Variants in TBXAS1 observed in about 807,000 individuals in gnomAD.
TBXAS1 encodes the protein thromboxane A synthase 1.
A neutral mutation model predicts 60.7 loss-of-function variants in TBXAS1; 48 were observed. The observed-to-expected ratio is 0.79, with a 90% CI of 0.63 to 1.01. TBXAS1 has a LOEUF of 1.01. TBXAS1 is among the 50% of genes least tolerant of loss of function. The probability of loss-of-function intolerance (pLI) is 0.00; values close to 1 mark genes in which losing one functional copy is unlikely to be tolerated. For synonymous variants in TBXAS1, 287 were observed against 269.7 expected, an observed-to-expected ratio of 1.06 and a Z score of -0.63; for missense variants, 685 against 686.3, an observed-to-expected ratio of 1.00 and a Z score of 0.02.
chr7:139,951,520 G>T (rs538305316), intron 5 of TBXAS1, among the ~76,000 whole-genome samples: 1 of 148,816 alleles, frequency 6.7e-6, no homozygotes, highest in South Asian at 2.2e-4. Flanking sequence ...CACTTTGGGA[G>T]GCCAAAGTGG....
intron 6 of TBXAS1, 23 bp downstream of exon 6, chr7:139,953,479 G>T: frequency 1.2e-6 from 2 of 1,608,856 alleles, no homozygotes; most frequent in South Asian, 2.2e-5. Context: ...CATTACAGAT[G>T]AGAAATCGAG....
At chr7:139,865,765 G>A (rs1431048721) in intron 1 of TBXAS1, among the ~76,000 whole-genome samples, 1 of 126,348 alleles carries the variant, frequency 7.9e-6, no homozygotes, top group African/African-American at 3.1e-5. Flanking sequence ...GGAAGGGAGG[G>A]AGGGAAGGAA....
chr7:139,861,547 G>A (rs1800968305), intron 1 of TBXAS1, among the ~76,000 whole-genome samples: 2 of 151,600 alleles, frequency 1.3e-5, no homozygotes, highest in Admixed American at 6.6e-5. Context: ...GAGCCACTGT[G>A]CCTGGCCTGT....
intron 3 of TBXAS1, among the ~76,000 whole-genome samples, chr7:139,910,271 C>T (rs1283979569): frequency 6.6e-6 from 1 of 152,194 alleles, no homozygotes; most frequent in Non-Finnish European, 1.5e-5. Flanking sequence ...CGCACTATCT[C>T]CAGTTAGAGT....
intron 2 of TBXAS1, among the ~76,000 whole-genome samples, chr7:139,781,604 G>T (rs974558537): frequency 1.3e-5 from 2 of 151,982 alleles, no homozygotes; most frequent in Admixed American, 6.5e-5. Flanking sequence ...GGCTGAGGCA[G>T]GCAGATCACC....
intron 9 of TBXAS1, among the ~76,000 whole-genome samples, chr7:139,964,207 T>C (rs1375137705): frequency 6.6e-6 from 1 of 152,202 alleles, no homozygotes; most frequent in Non-Finnish European, 1.5e-5. Flanking sequence ...TGCCTCAGCC[T>C]CCCGAGTTGC....
Position 139,975,127 on chromosome 7 carries a change from A to C in TBXAS1, c.1134+12894A>C, listed in dbSNP as rs2117468531. Among the ~76,000 whole-genome samples, 1 of 152,296 alleles carries C rather than the reference A, an allele frequency of 6.6e-6. No homozygotes were observed. The highest frequency in any genetic ancestry group is 1.9e-4 in the East Asian group (1 of 5,180). On this transcript the variant is annotated intron_variant, in intron 9 of 12. Transcript: ENST00000448866. The surrounding 1 kb of genome is among the most constrained non-coding windows in gnomAD (Gnocchi z 4.4). ...CCAGAAAACCTCAGTTTTTGCTCTT[A>C]CGGCCTTCAACCGATTGGATGAGGC... is the stretch of plus-strand genomic sequence containing the variant.
intron 3 of TBXAS1, among the ~76,000 whole-genome samples, chr7:139,904,996 T>C (rs575463261): frequency 3.1e-5 from 3 of 97,014 alleles, no homozygotes; most frequent in Middle Eastern, 5.2e-3. Flanking sequence ...TCTCTCTTTC[T>C]CTCTTTCTCT....
Position 139,898,586 on chromosome 7 carries a change from C to T in TBXAS1, c.237-12639C>T, listed in dbSNP as rs114523046. On this transcript the variant is annotated intron_variant, in intron 3 of 12. Transcript: ENST00000448866. Reference sequence around the variant, plus strand: ...AGGTGATCCGCAAGTGCTGGGATTACAGGCGTGAGCCACTACGCCCGGCCT... The same window carrying T: ...AGGTGATCCGCAAGTGCTGGGATTATAGGCGTGAGCCACTACGCCCGGCCT... Among the ~76,000 whole-genome samples the T allele has an allele frequency of 6.9e-3, 1,052 of 152,186 alleles. 13 individuals are homozygous for T. Among genetic ancestry groups the T allele is most frequent in the African/African-American group, 0.024 (1,005 of 41,514 alleles).
At chr7:139,868,214 G>A (rs1801564062) in intron 1 of TBXAS1, among the ~76,000 whole-genome samples, 1 of 152,172 alleles carries the variant, frequency 6.6e-6, no homozygotes, top group Non-Finnish European at 1.5e-5. Flanking sequence ...TCTGATCATT[G>A]CGTATTACCT....
At chr7:140,012,842 C>A (rs1328757083) in intron 10 of TBXAS1, among the ~76,000 whole-genome samples, 1 of 152,180 alleles carries the variant, frequency 6.6e-6, no homozygotes, top group Non-Finnish European at 1.5e-5. Context: ...CGGTTCTTCA[C>A]CTCTCCACCT....
intron 4 of TBXAS1, among the ~76,000 whole-genome samples, chr7:139,817,387 T>C (rs937702486): frequency 5.9e-5 from 9 of 152,056 alleles, no homozygotes; most frequent in Non-Finnish European, 1.2e-4. Flanking sequence ...GTGGGCAAAG[T>C]CCATGATCCT....
intron 1 of TBXAS1, among the ~76,000 whole-genome samples, chr7:139,863,843 A>G (rs1801150060): frequency 6.6e-6 from 1 of 152,340 alleles, no homozygotes; most frequent in South Asian, 2.1e-4. Context: ...GTGCTTTCAA[A>G]AGATAAATAA....
At chr7:139,850,447 C>T (rs984813202) in intron 1 of TBXAS1, among the ~76,000 whole-genome samples, 1 of 152,240 alleles carries the variant, frequency 6.6e-6, no homozygotes, top group Non-Finnish European at 1.5e-5. Context: ...CTCACATCCT[C>T]TGTGACCCTA....
At chr7:139,936,445 C>G (rs559545963) in intron 5 of TBXAS1, 138 bp downstream of exon 5, 1 of 872,862 alleles carries the variant, frequency 1.1e-6, no homozygotes, top group Non-Finnish European at 1.9e-6. Context: ...ACCTTCAGAC[C>G]TCTCTGTTAT....
rs1475527983 is a variant in TBXAS1, at chr7:139,916,662, T to C, written c.333+5341T>C. On this transcript the variant is annotated intron_variant, in intron 4 of 12. Transcript: ENST00000448866. This position sits in a 1 kb window ranked among gnomAD's most constrained non-coding sequence, Gnocchi z 4.2. ...ACAAACTCCTTGGCATTGGTGAAGA[T>C]GACTAAAGTTATAGGCAAATTAGTC... 1.3e-5 allele frequency among the ~76,000 whole-genome samples: 2 copies of C among 152,228 alleles called. No individual in the cohort carries two copies. The highest frequency in any genetic ancestry group is 4.8e-5 in the African/African-American group (2 of 41,462).
intron 1 of TBXAS1, among the ~76,000 whole-genome samples, chr7:139,837,539 T>C (rs1167056776): frequency 6.6e-6 from 1 of 152,210 alleles, no homozygotes; most frequent in East Asian, 1.9e-4. Flanking sequence ...GAGACTATTA[T>C]TCTAAGTGAA....
intron 1 of TBXAS1, among the ~76,000 whole-genome samples, chr7:139,850,744 G>C (rs1016264886): frequency 1.3e-5 from 2 of 152,218 alleles, no homozygotes; most frequent in Non-Finnish European, 2.9e-5. Flanking sequence ...GATGGACAGA[G>C]GGAGGACGAC....
intron 4 of TBXAS1, among the ~76,000 whole-genome samples, chr7:139,799,075 C>CTTT (rs59263161): frequency 2.0e-4 from 24 of 118,704 alleles, no homozygotes; most frequent in African/African-American, 6.7e-4. Context: ...CCATACACTG[C>CTTT]TTTTTTTTTT....
Sources: allele counts gnomAD v4.1 joint callset (sites outside exome capture counted in the v4.1 genomes callset), GRCh38; gene constraint gnomAD v4.1.1; non-coding constraint Gnocchi (gnomAD v3.1); transcripts MANE v1.5; gene names NCBI Gene and HGNC (gene_info 2026-07-23, HGNC 2026-07-21).